ANGEL2: variants seen among roughly 807,000 people sequenced by gnomAD.
ANGEL2 encodes the protein RNA 2',3'-cyclic phosphatase ANGEL2.
A neutral mutation model predicts 66.0 loss-of-function variants in ANGEL2; 41 were observed. That is an observed-to-expected ratio of 0.62 (90% CI 0.48 to 0.81). The LOEUF is 0.81. ANGEL2 is among the 30% of genes least tolerant of loss of function. ANGEL2 has a pLI of 0.00. For synonymous variants in ANGEL2, 208 were observed against 226.5 expected (o/e 0.92, Z 0.73); for missense variants, 561 against 641.6 (o/e 0.87, Z 1.36).
rs147683207 is a variant in ANGEL2 at position 212,997,810 on chromosome 1, G to A, written c.1320-492C>T. The stretch of plus-strand genomic sequence containing the variant: ...ATATTTGCCCCATGCACAAATATAT[G>A]TGATGTTATGAGTAAAAGGTTTAAA... On this transcript the variant is annotated intron_variant, in intron 7 of 8. Transcript: ENST00000366962. 6.5e-3 allele frequency among the ~76,000 whole-genome samples: 990 copies of A among 152,216 alleles called. 12 individuals carry two copies. Among genetic ancestry groups the A allele is most frequent in the African/African-American group, 0.023 (942 of 41,518 alleles).
At chr1:213,008,141 A>G in intron 3 of ANGEL2, 69 bp downstream of exon 3, 3 of 1,519,598 alleles carry the variant, frequency 2.0e-6, no homozygotes, top group Non-Finnish European at 2.7e-6. Context: ...TGGGATTACA[A>G]GCATGAGCCA....
At chr1:212,996,196 G>A (rs1029682854) in intron 8 of ANGEL2, among the ~76,000 whole-genome samples, 36 of 152,094 alleles carry the variant, frequency 2.4e-4, no homozygotes, top group Non-Finnish European at 3.8e-4. Context: ...AGTCCCAGTG[G>A]CTCGGGAGGC....
At chr1:213,014,121 T>C (rs540667552) in intron 1 of ANGEL2, among the ~76,000 whole-genome samples, 1 of 152,306 alleles carries the variant, frequency 6.6e-6, no homozygotes, top group African/African-American at 2.4e-5. Context: ...ATCCAAAACA[T>C]CTCCAAAGTG....
chr1:212,999,871 A>C (rs577638188), intron 7 of ANGEL2, among the ~76,000 whole-genome samples: 1 of 152,334 alleles, frequency 6.6e-6, no homozygotes, highest in Admixed American at 6.5e-5. Flanking sequence ...GATGGTTTTG[A>C]GATTTAGTAA....
In ANGEL2 at chr1:213,013,375, A is replaced by T; in HGVS notation, c.103T>A (p.Trp35Arg). The T allele has an allele frequency of 2.5e-6, 4 of 1,614,170 alleles. No individual in the cohort carries two copies. The highest frequency in any genetic ancestry group is 3.4e-6 in the Non-Finnish European group (4 of 1,179,992). Residue 35 changes from tryptophan to arginine, a missense_variant, in exon 2 of 9, where the codon TGG (tryptophan) becomes AGG (arginine). Physicochemically the swap from Trp to Arg is moderately radical, Grantham distance 101 (BLOSUM62 -3). Transcript: ENST00000366962. The part of the protein sequence containing the change: ...PHHSRSLGRD[W>R]TTPWENLQRC... ...TGCAGATTCTCCCACGGTGTAGTCC[A>T]GTCTCTGCCCAGACTCCTCGAGTGA...
intron 2 of ANGEL2, among the ~76,000 whole-genome samples, chr1:213,010,489 G>A (rs1034232968): frequency 4.0e-5 from 6 of 151,398 alleles, no homozygotes; most frequent in African/African-American, 1.5e-4. Flanking sequence ...GGAGAATGGC[G>A]TGAACCTGGG....
At position 213,015,603 on chromosome 1, in the gene ANGEL2, C is replaced by T. The variant is rs1256675598; in HGVS notation, c.59+10G>A. On this transcript the variant is annotated intron_variant, in intron 1 of 8. Transcript: ENST00000366962. ...CTCTCTCCTCCCTCCGAGTACCCAG[C>T]CCTACTGACCGGCCTCTTCCCACCA... is the stretch of plus-strand genomic sequence containing the variant. 3 of 1,613,524 alleles carry T rather than the reference C, an allele frequency of 1.9e-6. No individual in the cohort carries two copies. The highest frequency in any genetic ancestry group is 1.3e-5 in the African/African-American group (1 of 74,836).
rs768981949 is a variant in ANGEL2 at position 213,015,631 on chromosome 1, C to G, written c.41G>C (p.Cys14Ser). The change falls in exon 1 of 9, where the codon TGT (cysteine) becomes TCT (serine). Residue 14 changes from cysteine (C) to serine (S), a missense_variant. Cys to Ser is a moderately radical substitution (Grantham distance 112). Coordinates refer to ENST00000366962, the MANE Select transcript of ANGEL2 (RefSeq NM_144567.5). ...TACTGACCGGCCTCTTCCCACCACA[C>G]AGTGGCCGTAGCCCTTCCTCACACA... ...WRCVRKGYGH[C>S]VVGRGRYPMF... 5.0e-6 allele frequency: 8 copies of G among 1,613,928 alleles called. 1 individual carries two copies. The African/African-American group carries it at 1.1e-4, about 22-fold the overall frequency.
intron 7 of ANGEL2, among the ~76,000 whole-genome samples, chr1:212,998,222 C>T: frequency 6.8e-6 from 1 of 147,740 alleles, no homozygotes; most frequent in East Asian, 2.0e-4. Flanking sequence ...GAGACCTCAT[C>T]TCTACAAAAA....
intron 5 of ANGEL2, among the ~76,000 whole-genome samples, chr1:213,004,521 G>A (rs1401850249): frequency 6.6e-6 from 1 of 151,394 alleles, no homozygotes; most frequent in East Asian, 1.9e-4. Flanking sequence ...CCTCCAAGCA[G>A]TATGTTGCCA....
chr1:213,000,459 ATATT>A (rs2076147268), intron 6 of ANGEL2, 76 bp from the exon 7 acceptor site: 4 of 1,305,270 alleles, frequency 3.1e-6, no homozygotes, highest in Non-Finnish European at 3.3e-6. Flanking sequence ...TCTAGAAACA[ATATT>A]TAAGACTTAT....
intron 5 of ANGEL2, among the ~76,000 whole-genome samples, chr1:213,004,439 C>A (rs1572131319): frequency 6.6e-6 from 1 of 151,810 alleles, no homozygotes; most frequent in African/African-American, 2.4e-5. Context: ...TTCTATCCTG[C>A]CACCTTGTGT....
chr1:213,009,077 G>A (rs2076423482), intron 2 of ANGEL2, among the ~76,000 whole-genome samples: 1 of 152,190 alleles, frequency 6.6e-6, no homozygotes, highest in Non-Finnish European at 1.5e-5. Flanking sequence ...GTACAACAAA[G>A]GAAAAGTTAA....
At position 213,005,179 on chromosome 1, in the gene ANGEL2, C is replaced by T. The variant is rs1410940965; in HGVS notation, c.988G>A (p.Ala330Thr). The T allele has an allele frequency of 6.2e-7, 1 of 1,614,206 alleles. No homozygotes were observed. The highest frequency in any genetic ancestry group is 8.5e-7 in the Non-Finnish European group (1 of 1,180,040). ...IKLTQLAMLL[A>T]EISSVAHQKD... ...TGGTGGGCAACACTGGAAATCTCTG[C>T]CAGTAGCATTGCCAATTGCGTCAGC... is the stretch of plus-strand genomic sequence containing the variant. The change falls in exon 5 of 9, where the codon GCA becomes ACA. Residue 330 changes from alanine (A) to threonine (T), a missense_variant. Physicochemically the swap from Ala to Thr is moderately conservative, Grantham distance 58. Coordinates refer to ENST00000366962, the MANE Select transcript of ANGEL2 (RefSeq NM_144567.5).
intron 2 of ANGEL2, among the ~76,000 whole-genome samples, chr1:213,012,508 G>A (rs1017037344): frequency 2.0e-5 from 3 of 152,194 alleles, no homozygotes; most frequent in East Asian, 3.8e-4. Flanking sequence ...GTTTCTCAAA[G>A]TGGAATAAGA....
chr1:213,007,544 G>A (rs1484038971), intron 3 of ANGEL2, among the ~76,000 whole-genome samples: 3 of 152,124 alleles, frequency 2.0e-5, no homozygotes, highest in Non-Finnish European at 4.4e-5. Context: ...TTCTTTGAAT[G>A]CTATCAGGTA....
chr1:213,000,773 T>C lies in ANGEL2; in HGVS notation c.1261+13A>G, dbSNP rs1558173919. 1 of 1,597,574 alleles carries C rather than the reference T, an allele frequency of 6.3e-7. No individual in the cohort carries two copies. Among genetic ancestry groups the C allele is most frequent in the Admixed American group, 1.9e-5 (1 of 53,558 alleles). Reference sequence around the variant, plus strand: ...TACCCAGCAGACTGCCAAAATGTATTACAAACACTTACCTGTCTTTTCTAC... The same window carrying C: ...TACCCAGCAGACTGCCAAAATGTATCACAAACACTTACCTGTCTTTTCTAC... On this transcript the variant is annotated intron_variant, in intron 6 of 8. Coordinates refer to ENST00000366962, the MANE Select transcript of ANGEL2 (RefSeq NM_144567.5).
chr1:213,005,635 T>C (rs555451339), intron 4 of ANGEL2, among the ~76,000 whole-genome samples, 181 bp from the exon 5 acceptor site: 38 of 152,240 alleles, frequency 2.5e-4, no homozygotes, highest in Non-Finnish European at 3.1e-4. Context: ...GGCCTCTTTA[T>C]GCGCAGACTT....
intron 4 of ANGEL2, 80 bp downstream of exon 4, chr1:213,007,049 G>C: frequency 1.5e-6 from 2 of 1,325,718 alleles, no homozygotes; most frequent in Admixed American, 1.8e-5. Flanking sequence ...AGCCATGATT[G>C]TGCCACTGCA....
Sources: allele counts gnomAD v4.1 joint callset (sites outside exome capture counted in the v4.1 genomes callset), GRCh38; gene constraint gnomAD v4.1.1; transcripts MANE v1.5; gene names NCBI Gene and HGNC (gene_info 2026-07-23, HGNC 2026-07-21).